B3GALT1: variants seen among roughly 807,000 people sequenced by gnomAD.
B3GALT1 encodes UDP-Gal:betaGlcNAc beta 1,3-galactosyltransferase, polypeptide 1.
Under a neutral mutation model 23.2 loss-of-function variants are expected in B3GALT1, and 10 were observed. The observed-to-expected ratio is 0.43, with a 90% CI of 0.27 to 0.73. B3GALT1 has a LOEUF of 0.73. Among genes scored for constraint, B3GALT1 ranks in the 30% least tolerant of loss-of-function variants. The probability of loss-of-function intolerance (pLI) is 0.21; values close to 1 mark genes in which losing one functional copy is unlikely to be tolerated. For missense variants in B3GALT1, 299 were observed against 405.4 expected (o/e 0.74, Z 2.25); for synonymous variants, 156 against 141.5 (o/e 1.10, Z -0.73).
intron 2 of B3GALT1, among the ~76,000 whole-genome samples, chr2:167,629,010 T>C (rs1239844864): frequency 1.3e-5 from 2 of 151,666 alleles, no homozygotes; most frequent in South Asian, 4.1e-4. Flanking sequence ...CTACCATTAA[T>C]ATTTGGAGCC....
At chr2:167,835,803 A>C (rs904529672) in intron 4 of B3GALT1, among the ~76,000 whole-genome samples, 1 of 152,198 alleles carries the variant, frequency 6.6e-6, no homozygotes, top group East Asian at 1.9e-4. Flanking sequence ...GACACCTCAC[A>C]CAGCCGGGTA....
At chr2:167,353,416 G>A (rs1172445154) in intron 1 of B3GALT1, among the ~76,000 whole-genome samples, 1 of 151,956 alleles carries the variant, frequency 6.6e-6, no homozygotes, top group East Asian at 1.9e-4. Context: ...ATTGCCAGAA[G>A]TTGAACCTTA....
chr2:167,407,121 A>C (rs115862110), intron 1 of B3GALT1, among the ~76,000 whole-genome samples: 1 of 152,232 alleles, frequency 6.6e-6, no homozygotes. Context: ...AATTTTAAAA[A>C]ATAGAAATCA....
chr2:167,689,865 G>T (rs916177111), intron 3 of B3GALT1, among the ~76,000 whole-genome samples: 2 of 152,112 alleles, frequency 1.3e-5, no homozygotes, highest in African/African-American at 4.8e-5. Flanking sequence ...TTTTGTTAAG[G>T]ACTGTGCCAG....
At chr2:167,836,914 A>G (rs1689492682) in intron 4 of B3GALT1, among the ~76,000 whole-genome samples, 1 of 152,044 alleles carries the variant, frequency 6.6e-6, no homozygotes, top group Admixed American at 6.5e-5. Flanking sequence ...AGAATTTCAT[A>G]TCCAGCCAAA....
intron 1 of B3GALT1, among the ~76,000 whole-genome samples, chr2:167,345,628 A>G (rs967173589): frequency 6.6e-6 from 1 of 152,186 alleles, no homozygotes; most frequent in African/African-American, 2.4e-5. Flanking sequence ...CGTGTTCATT[A>G]TCCATAATGC....
chr2:167,644,779 TAA>T (rs199652424), intron 2 of B3GALT1, among the ~76,000 whole-genome samples: 2,207 of 91,108 alleles, frequency 0.024, 68 homozygotes, highest in African/African-American at 0.087. Flanking sequence ...GACTCTGTCT[TAA>T]AAAAAAAAAA....
At chr2:167,844,585 A>T (rs1434916759) in intron 4 of B3GALT1, among the ~76,000 whole-genome samples, 1 of 152,242 alleles carries the variant, frequency 6.6e-6, no homozygotes, top group East Asian at 1.9e-4. Context: ...AGCAGCAGAA[A>T]GGCCTTGGGA....
At chr2:167,389,881 A>G (rs1442435149) in intron 1 of B3GALT1, among the ~76,000 whole-genome samples, 1 of 142,000 alleles carries the variant, frequency 7.0e-6, no homozygotes, top group Non-Finnish European at 1.5e-5. Context: ...ACTGCACTCT[A>G]GCCTGGGTGA....
At chr2:167,550,258 C>T (rs765617479) in intron 2 of B3GALT1, among the ~76,000 whole-genome samples, 1 of 152,180 alleles carries the variant, frequency 6.6e-6, no homozygotes, top group East Asian at 1.9e-4. Flanking sequence ...ATTAAGTACA[C>T]TTATTATCCT....
At chr2:167,785,341 G>A (rs1251296865) in intron 3 of B3GALT1, among the ~76,000 whole-genome samples, 3 of 152,136 alleles carry the variant, frequency 2.0e-5, no homozygotes, top group African/African-American at 7.2e-5. Context: ...ATAGAGAATC[G>A]ACCGAGAAGC....
intron 3 of B3GALT1, among the ~76,000 whole-genome samples, chr2:167,737,028 GTTAAAAGTA>G (rs1256449772): frequency 7.0e-6 from 1 of 142,986 alleles, no homozygotes; most frequent in Non-Finnish European, 1.5e-5. Flanking sequence ...TATTTCCTTT[GTTAAAAGTA>G]GGCTTTCAAG....
At chr2:167,682,066 T>C (rs1686539682) in intron 3 of B3GALT1, among the ~76,000 whole-genome samples, 1 of 152,186 alleles carries the variant, frequency 6.6e-6, no homozygotes, top group African/African-American at 2.4e-5. Flanking sequence ...TTGGAGAGCA[T>C]GTCCTTTAAT....
intron 4 of B3GALT1, among the ~76,000 whole-genome samples, chr2:167,832,733 T>TAAAC (rs1466868579): frequency 1.3e-5 from 2 of 152,258 alleles, no homozygotes; most frequent in African/African-American, 2.4e-5. Context: ...GGTTAGATTT[T>TAAAC]AAACAGCAAA....
chr2:167,620,039 G>A (rs999718515), intron 2 of B3GALT1, among the ~76,000 whole-genome samples: 1 of 152,088 alleles, frequency 6.6e-6, no homozygotes, highest in Non-Finnish European at 1.5e-5. Flanking sequence ...ACTTTAAAGT[G>A]GATCGTTAGG....
chr2:167,479,874 G>A (rs1160800907), intron 1 of B3GALT1, among the ~76,000 whole-genome samples: 2 of 152,030 alleles, frequency 1.3e-5, no homozygotes, highest in African/African-American at 4.8e-5. Context: ...TAGTTTTGTG[G>A]GCAGAAGACT....
intron 1 of B3GALT1, among the ~76,000 whole-genome samples, chr2:167,396,902 C>G (rs750634975): frequency 6.6e-6 from 1 of 152,048 alleles, no homozygotes; most frequent in Non-Finnish European, 1.5e-5. Flanking sequence ...ATGGCATGCT[C>G]TAATGCAATG....
intron 1 of B3GALT1, among the ~76,000 whole-genome samples, chr2:167,386,763 T>C (rs1188592618): frequency 6.6e-6 from 1 of 152,242 alleles, no homozygotes; most frequent in Non-Finnish European, 1.5e-5. Context: ...TATTGTAAAG[T>C]ATCCTTCCGC....
chr2:167,344,427 CCTT>C (rs1363097516), intron 1 of B3GALT1, among the ~76,000 whole-genome samples: 6 of 151,616 alleles, frequency 4.0e-5, no homozygotes, highest in Admixed American at 3.9e-4. Context: ...TTTTCTTCTC[CCTT>C]CTTATGGTAA....
Sources: allele counts gnomAD v4.1 joint callset (sites outside exome capture counted in the v4.1 genomes callset), GRCh38; gene constraint gnomAD v4.1.1; transcripts MANE v1.5; gene names NCBI Gene and HGNC (gene_info 2026-07-23, HGNC 2026-07-21).